Variants in MARCHF1 observed in about 807,000 individuals in gnomAD.
MARCHF1 encodes the protein membrane associated ring-CH-type finger 1.
In MARCHF1, 40 loss-of-function variants were observed where a neutral mutation model predicts 54.2. That is an observed-to-expected ratio of 0.74 (90% CI 0.57 to 0.96). The LOEUF is 0.96. Ranked by LOEUF, MARCHF1 falls within the 40% of genes least tolerant of loss-of-function variation. The probability of loss-of-function intolerance (pLI) is 0.00; values close to 1 mark genes in which losing one functional copy is unlikely to be tolerated. For synonymous variants in MARCHF1, 236 were observed against 236.3 expected (o/e 1.00, Z 0.01); for missense variants, 586 against 656.5 (o/e 0.89, Z 1.17).
Position 163,789,244 on chromosome 4 carries a change from A to G in MARCHF1, c.111+64777T>C, listed in dbSNP as rs147547410. Among the ~76,000 whole-genome samples, 86 of 152,150 alleles carry G rather than the reference A, an allele frequency of 5.7e-4. No individual in the cohort carries two copies. The East Asian group carries it at 0.013, about 24-fold the overall frequency. On this transcript the variant is annotated intron_variant, in intron 4 of 9. Coordinates refer to ENST00000514618, the MANE Select transcript of MARCHF1 (RefSeq NM_001394959.1). ...CATGCAAATACTGCAGGATAGAAAT[A>G]CAAGCGACTTAAAGATCATTTTTGT... is the stretch of plus-strand genomic sequence containing the variant.
chr4:164,093,294 T>C (rs988133374), intron 2 of MARCHF1, among the ~76,000 whole-genome samples: 1 of 152,146 alleles, frequency 6.6e-6, no homozygotes, highest in Admixed American at 6.6e-5. Context: ...ATTTGGGGAC[T>C]GATGGAACAT....
intron 1 of MARCHF1, among the ~76,000 whole-genome samples, chr4:164,265,653 T>C (rs1196537252): frequency 6.6e-6 from 1 of 152,078 alleles, no homozygotes; most frequent in East Asian, 1.9e-4. Flanking sequence ...CCCTGAGCAA[T>C]GCGGCACCTG....
chr4:163,601,396 T>A (rs1740959846), intron 7 of MARCHF1, among the ~76,000 whole-genome samples: 1 of 70,370 alleles, frequency 1.4e-5, no homozygotes, highest in East Asian at 3.7e-4. Flanking sequence ...AGAAAGAAAG[T>A]GTTGCTTTTT....
chr4:164,101,879 G>A (rs1755570950), intron 2 of MARCHF1, among the ~76,000 whole-genome samples: 1 of 151,886 alleles, frequency 6.6e-6, no homozygotes, highest in Non-Finnish European at 1.5e-5. Flanking sequence ...AAATTTAGAA[G>A]AATGTATAAC....
chr4:163,581,102 A>G (rs1019350803), intron 8 of MARCHF1, among the ~76,000 whole-genome samples: 2 of 152,086 alleles, frequency 1.3e-5, no homozygotes, highest in Non-Finnish European at 1.5e-5. Context: ...GCGCCCGGCC[A>G]GTATTAAAGT....
At chr4:164,171,468 A>G (rs1190901034) in intron 1 of MARCHF1, among the ~76,000 whole-genome samples, 4 of 152,166 alleles carry the variant, frequency 2.6e-5, no homozygotes, top group Non-Finnish European at 5.9e-5. Flanking sequence ...TCAAATGTTT[A>G]TCATACTACG....
intron 8 of MARCHF1, among the ~76,000 whole-genome samples, chr4:163,574,036 T>A (rs1348542126): frequency 6.6e-6 from 1 of 152,150 alleles, no homozygotes; most frequent in South Asian, 2.1e-4. Context: ...CTCATTGTGG[T>A]TTTGATTTGC....
At chr4:163,846,593 G>C (rs1490053405) in intron 4 of MARCHF1, among the ~76,000 whole-genome samples, 3 of 152,038 alleles carry the variant, frequency 2.0e-5, no homozygotes, top group African/African-American at 4.8e-5. Context: ...GAAACTATCT[G>C]CAATATTCTA....
chr4:163,954,353 T>C (rs1282470888), intron 3 of MARCHF1, among the ~76,000 whole-genome samples: 1 of 152,172 alleles, frequency 6.6e-6, no homozygotes, highest in East Asian at 1.9e-4. Context: ...TCTAAAACTT[T>C]CTTGGATGAT....
intron 1 of MARCHF1, among the ~76,000 whole-genome samples, chr4:164,336,726 G>A (rs540458780): frequency 4.6e-5 from 7 of 152,284 alleles, no homozygotes; most frequent in Middle Eastern, 3.4e-3. Context: ...CTACCAGGTT[G>A]TAAATCCTTG....
intron 4 of MARCHF1, among the ~76,000 whole-genome samples, chr4:163,798,133 T>A (rs1004747998): frequency 3.3e-5 from 5 of 152,164 alleles, no homozygotes; most frequent in African/African-American, 1.2e-4. Context: ...GGGAAATAAT[T>A]AAGGTTAAAT....
At chr4:164,198,955 A>G (rs547520613) in intron 1 of MARCHF1, among the ~76,000 whole-genome samples, 1 of 152,382 alleles carries the variant, frequency 6.6e-6, no homozygotes, top group Admixed American at 6.5e-5. Context: ...ATTTCCTGAA[A>G]TCTTTACTAT....
intron 1 of MARCHF1, among the ~76,000 whole-genome samples, chr4:164,225,942 A>C (rs1263876014): frequency 6.6e-6 from 1 of 152,094 alleles, no homozygotes; most frequent in Non-Finnish European, 1.5e-5. Context: ...CAGTCATTCC[A>C]ATTTGCAGAG....
chr4:163,941,419 G>T (rs1751909419), intron 3 of MARCHF1, among the ~76,000 whole-genome samples: 1 of 152,100 alleles, frequency 6.6e-6, no homozygotes, highest in Non-Finnish European at 1.5e-5. Flanking sequence ...GGATAAACAT[G>T]ACAGACGTGG....
chr4:164,197,132 C>T lies in MARCHF1; in HGVS notation c.-322-85470G>A, dbSNP rs1461156637. The stretch of plus-strand genomic sequence containing the variant: ...CCTCCACTCACGTCCTCCTCTTCAC[C>T]TTCCTCCTCCTCCTCCTCGCCCTCC... On this transcript the variant is annotated intron_variant, in intron 1 of 9. Transcript: ENST00000514618. 2.5e-6 allele frequency: 4 copies of T among 1,605,982 alleles called. No homozygotes were observed. The African/African-American group carries it at 5.4e-5, about 22-fold the overall frequency.
chr4:163,691,563 G>A (rs1251361788), intron 5 of MARCHF1, among the ~76,000 whole-genome samples: 1 of 152,160 alleles, frequency 6.6e-6, no homozygotes, highest in East Asian at 1.9e-4. Flanking sequence ...CTGGAAAAAG[G>A]TGAAAGGAAT....
chr4:164,142,126 C>T (rs1390857679), intron 1 of MARCHF1, among the ~76,000 whole-genome samples: 1 of 152,200 alleles, frequency 6.6e-6, no homozygotes, highest in Non-Finnish European at 1.5e-5. Flanking sequence ...GCTTAAAACA[C>T]AGCGCACCTG....
intron 2 of MARCHF1, among the ~76,000 whole-genome samples, chr4:164,078,672 C>T (rs542592865): frequency 1.6e-4 from 24 of 152,216 alleles, no homozygotes; most frequent in African/African-American, 5.8e-4. Flanking sequence ...TCTAGAAATA[C>T]TAGAACTGAA....
chr4:164,273,346 G>C (rs142105171), intron 1 of MARCHF1, among the ~76,000 whole-genome samples: 2 of 152,200 alleles, frequency 1.3e-5, no homozygotes, highest in Non-Finnish European at 2.9e-5. Context: ...AGAAGAGCAC[G>C]GGGGAAACTG....
Sources: allele counts gnomAD v4.1 joint callset (sites outside exome capture counted in the v4.1 genomes callset), GRCh38; gene constraint gnomAD v4.1.1; transcripts MANE v1.5; gene names NCBI Gene and HGNC (gene_info 2026-07-23, HGNC 2026-07-21).